ARL13B: variants seen among roughly 807,000 people sequenced by gnomAD.
ARL13B encodes the protein ADP-ribosylation factor-like protein 13B.
A neutral mutation model predicts 56.1 loss-of-function variants in ARL13B; 36 were observed. The ratio of observed to expected loss-of-function variants is 0.64; its 90% CI spans 0.49 to 0.85. The LOEUF is 0.85. ARL13B is among the 40% of genes least tolerant of loss of function. ARL13B has a pLI of 0.00. For missense variants in ARL13B, 519 were observed against 507.1 expected, an observed-to-expected ratio of 1.02 and a Z score of -0.23; for synonymous variants, 178 against 171.1, an observed-to-expected ratio of 1.04 and a Z score of -0.32.
intron 1 of ARL13B, among the ~76,000 whole-genome samples, chr3:93,989,355 A>G (rs534496393): frequency 7.6e-4 from 115 of 152,274 alleles, no homozygotes; most frequent in African/African-American, 2.7e-3. Context: ...TGATACAGGC[A>G]CTACAGAGCT....
chr3:94,046,044 A>G (rs558279676), intron 7 of ARL13B, among the ~76,000 whole-genome samples: 1 of 152,144 alleles, frequency 6.6e-6, no homozygotes, highest in East Asian at 1.9e-4. Flanking sequence ...ATAGACACAG[A>G]GATCAATAAA....
At chr3:94,052,943 T>C (rs2077089533) in intron 9 of ARL13B, among the ~76,000 whole-genome samples, 1 of 152,092 alleles carries the variant, frequency 6.6e-6, no homozygotes, top group Admixed American at 6.6e-5. Flanking sequence ...TTAATGCATG[T>C]GTGGATTGAA....
In ARL13B at chr3:94,053,200, G is replaced by T; in HGVS notation, c.1224G>T (p.Lys408Asn). 1 of 1,612,380 alleles carries T rather than the reference G, an allele frequency of 6.2e-7. No individual in the cohort carries two copies. ...TTCTTTTCTTAGATTTCTATAGGAA[G>T]CCACTGCCTCCCCTGGCTGTGCCAC... ...GETHHNDFYRKPLPPLAVPQR... is the reference protein window; with the variant it reads ...GETHHNDFYRNPLPPLAVPQR... Residue 408 changes from lysine (K) to asparagine (N), a missense_variant, in exon 10 of 10, where the codon AAG becomes AAT. Transcript: ENST00000394222.
chr3:93,983,267 TC>T (rs1710302109), intron 1 of ARL13B, among the ~76,000 whole-genome samples: 1 of 152,122 alleles, frequency 6.6e-6, no homozygotes, highest in Admixed American at 6.5e-5. Context: ...GAGTCAGAGA[TC>T]AAGTGTTAAG....
At chr3:93,985,581 A>T (rs954508391) in intron 1 of ARL13B, among the ~76,000 whole-genome samples, 3 of 152,206 alleles carry the variant, frequency 2.0e-5, no homozygotes, top group Non-Finnish European at 4.4e-5. Context: ...TGCATACATA[A>T]CTAACAAAAA....
At chr3:94,032,203 TCAA>T (rs2107091686) in intron 3 of ARL13B, among the ~76,000 whole-genome samples, 1 of 151,998 alleles carries the variant, frequency 6.6e-6, no homozygotes, top group African/African-American at 2.4e-5. Flanking sequence ...TACAAGGAAA[TCAA>T]CAACAAAAAA....
chr3:94,033,134 G>A (rs2076706118), intron 3 of ARL13B, among the ~76,000 whole-genome samples: 2 of 152,180 alleles, frequency 1.3e-5, no homozygotes, highest in Admixed American at 6.5e-5. Context: ...GTCAAATCTA[G>A]CGTGTTCTCA....
intron 2 of ARL13B, among the ~76,000 whole-genome samples, chr3:93,999,483 G>A (rs752039093): frequency 6.6e-6 from 1 of 151,814 alleles, no homozygotes; most frequent in African/African-American, 2.4e-5. Flanking sequence ...TATATATTAC[G>A]AGGTACATGA....
chr3:94,036,815 G>C, intron 5 of ARL13B, 61 bp downstream of exon 5: 1 of 1,513,644 alleles, frequency 6.6e-7, no homozygotes, highest in Non-Finnish European at 9.0e-7. Context: ...ACAATTTTAT[G>C]AATCAGTTGT....
At chr3:94,041,994 T>C (rs1260185602) in intron 6 of ARL13B, among the ~76,000 whole-genome samples, 1 of 152,036 alleles carries the variant, frequency 6.6e-6, no homozygotes, top group East Asian at 1.9e-4. Flanking sequence ...GGGGTGGAGG[T>C]TGCAGTGAGC....
rs201268384 is a variant in ARL13B, at chr3:94,053,325, CAGA to C, written c.*70_*72del. ...GGTGAACTGGGACATTCTTCTTTCT[CAGA>C]AGAAGAAACATCTTGTAAATTGATG... On this transcript the variant is annotated 3_prime_UTR_variant, in exon 10 of 10. Coordinates refer to ENST00000394222, the MANE Select transcript of ARL13B (RefSeq NM_001174150.2). The C allele has an allele frequency of 2.2e-5, 31 of 1,419,564 alleles. No homozygotes were observed. In the East Asian group the frequency reaches 6.8e-4, roughly 31 times the overall value. 87.9% of individuals were successfully genotyped at this position (1,419,564 alleles called of 1,614,324 possible).
intron 7 of ARL13B, among the ~76,000 whole-genome samples, chr3:94,045,744 C>T (rs555153086): frequency 2.0e-5 from 3 of 151,500 alleles, no homozygotes; most frequent in East Asian, 1.9e-4. Context: ...GGGAGGATCA[C>T]GAGGACAGGA....
At chr3:94,044,885 C>T (rs1030409492) in intron 7 of ARL13B, among the ~76,000 whole-genome samples, 5 of 151,122 alleles carry the variant, frequency 3.3e-5, no homozygotes, top group African/African-American at 9.7e-5. Flanking sequence ...CGCCCCTCGT[C>T]GGGGAGGTGA....
intron 5 of ARL13B, among the ~76,000 whole-genome samples, chr3:94,037,447 T>C (rs1415957139): frequency 6.6e-6 from 1 of 152,170 alleles, no homozygotes; most frequent in Admixed American, 6.5e-5. Context: ...TAACTGGTAT[T>C]TTTCATTTAA....
chr3:94,039,912 A>C lies in ARL13B; in HGVS notation c.722A>C (p.Asp241Ala), dbSNP rs747511747. The change falls in exon 6 of 10, where the codon GAT becomes GCT. Residue 241 changes from aspartate (D) to alanine (A), a missense_variant. Coordinates refer to ENST00000394222, the MANE Select transcript of ARL13B (RefSeq NM_001174150.2). The part of the protein sequence containing the change: ...KQNEQEQAEL[D>A]GTSGLAELDP... Reference sequence around the variant, plus strand: ...AATGAACAGGAGCAGGCTGAACTCGATGGAACCAGTGGTCTGGCTGAGTTG... The same window carrying C: ...AATGAACAGGAGCAGGCTGAACTCGCTGGAACCAGTGGTCTGGCTGAGTTG... 6.2e-6 allele frequency: 10 copies of C among 1,614,032 alleles called. No homozygotes were observed. Among genetic ancestry groups the C allele is most frequent in the Non-Finnish European group, 8.5e-6 (10 of 1,180,028 alleles).
rs555362026 is a variant in ARL13B, at chr3:94,036,673, A to G, written c.608A>G (p.Lys203Arg). ...DFDALNERIQ[K>R]ETTEQRALEE... Reference sequence around the variant, plus strand: ...GATGCCTTAAATGAACGCATCCAAAAAGAGACAACAGAGCAGCGTGCTCTT... The same window carrying G: ...GATGCCTTAAATGAACGCATCCAAAGAGAGACAACAGAGCAGCGTGCTCTT... The change falls in exon 5 of 10, where the codon AAA becomes AGA. Residue 203 changes from lysine to arginine, a missense_variant. Coordinates refer to ENST00000394222, the MANE Select transcript of ARL13B (RefSeq NM_001174150.2). The G allele has an allele frequency of 2.1e-5, 34 of 1,614,160 alleles. No individual in the cohort carries two copies. The South Asian group carries it at 3.6e-4, about 17-fold the overall frequency.
intron 1 of ARL13B, among the ~76,000 whole-genome samples, chr3:93,991,358 A>G (rs2075872117): frequency 6.6e-6 from 1 of 152,160 alleles, no homozygotes; most frequent in South Asian, 2.1e-4. Flanking sequence ...ATATTTTTGT[A>G]TGTATGTGTG....
intron 3 of ARL13B, among the ~76,000 whole-genome samples, chr3:94,010,281 G>A (rs1400737742): frequency 6.6e-6 from 1 of 152,010 alleles, no homozygotes; most frequent in Non-Finnish European, 1.5e-5. Flanking sequence ...GTAGTACAGT[G>A]TTTCACTAGT....
chr3:94,030,508 A>T (rs2076657300), intron 3 of ARL13B, among the ~76,000 whole-genome samples: 1 of 151,716 alleles, frequency 6.6e-6, no homozygotes, highest in Admixed American at 6.6e-5. Flanking sequence ...CTGAGATTAC[A>T]GGTGTGAGCC....
Sources: gnomAD v4.1 joint callset for allele counts (sites outside exome capture counted in the v4.1 genomes callset) on GRCh38, gnomAD v4.1.1 for gene constraint, MANE v1.5 for transcripts, NCBI Gene and HGNC (gene_info 2026-07-23, HGNC 2026-07-21) for gene names.